Variants in MYBL1 observed in about 807,000 individuals in gnomAD.
MYBL1 encodes the protein myb-related protein A.
Under a neutral mutation model 96.3 loss-of-function variants are expected in MYBL1, and 17 were observed. That is an observed-to-expected ratio of 0.18 (90% CI 0.12 to 0.26). The LOEUF is 0.26. Ranked by LOEUF, MYBL1 falls within the 10% of genes least tolerant of loss-of-function variation. The pLI is 1.00. For missense variants in MYBL1, 701 were observed against 882.9 expected (o/e 0.79, Z 2.61); for synonymous variants, 282 against 292.7 (o/e 0.96, Z 0.37).
At position 66,580,356 on chromosome 8, in the gene MYBL1, C is replaced by A. The variant is rs1042301483; in HGVS notation, c.878G>T (p.Ser293Ile). ...RRKRIPSQPG[S>I]FSSWSGSFLM... ...GAAACTACCAGACCAGCTAGAAAAA[C>A]TTCCAGGCTGCTAAAGGTACAAAAG... is the stretch of plus-strand genomic sequence containing the variant. Residue 293 changes from serine to isoleucine, a missense_variant, in exon 9 of 16, where the codon AGT (serine) becomes ATT (isoleucine). Physicochemically the swap from Ser to Ile is moderately radical, Grantham distance 142. Around this residue, in one of 5 missense-constraint regions of MYBL1, gnomAD observed 396 missense variants for 407.4 expected, o/e 0.97. Coordinates refer to ENST00000522677, the MANE Select transcript of MYBL1 (RefSeq NM_001080416.4). 7 of 1,600,110 alleles carry A rather than the reference C, an allele frequency of 4.4e-6. No homozygotes were observed. Among genetic ancestry groups the A allele is most frequent in the Middle Eastern group, 1.7e-4 (1 of 6,032 alleles).
Position 66,589,172 on chromosome 8 carries a change from T to C in MYBL1, c.867+3268A>G, listed in dbSNP as rs187846148. ...AGTTCTAAAAAGAAAATAACTTTCT[T>C]CCTTTTTAATGCAAAATATTCATTC... is the stretch of plus-strand genomic sequence containing the variant. On this transcript the variant is annotated intron_variant, in intron 8 of 15. Transcript: ENST00000522677. Among the ~76,000 whole-genome samples, 281 of 152,318 alleles carry C rather than the reference T, an allele frequency of 1.8e-3. 1 individual carries two copies. The highest frequency in any genetic ancestry group is 6.3e-3 in the African/African-American group (263 of 41,564).
chr8:66,600,553 T>C (rs1810027922), intron 3 of MYBL1, among the ~76,000 whole-genome samples: 1 of 152,248 alleles, frequency 6.6e-6, no homozygotes, highest in African/African-American at 2.4e-5. Flanking sequence ...CCAAACATCC[T>C]ATATGTTATT....
At chr8:66,600,074 A>C (rs1305676567) in intron 3 of MYBL1, among the ~76,000 whole-genome samples, 1 of 152,224 alleles carries the variant, frequency 6.6e-6, no homozygotes, top group Non-Finnish European at 1.5e-5. Flanking sequence ...GACACTTAAA[A>C]AGAAAATGAA....
intron 4 of MYBL1, among the ~76,000 whole-genome samples, chr8:66,597,908 TAG>T (rs1809917947): frequency 7.0e-6 from 1 of 143,206 alleles, no homozygotes; most frequent in Admixed American, 7.0e-5. Context: ...AAAATACAAT[TAG>T]GAAGCAGAAA....
chr8:66,573,282 C>CTATT (rs1321025394), intron 11 of MYBL1, 82 bp downstream of exon 11: 3 of 1,260,912 alleles, frequency 2.4e-6, no homozygotes, highest in South Asian at 3.8e-5. Flanking sequence ...ATGATACTTG[C>CTATT]TATTTATATG....
intron 1 of MYBL1, chr8:66,612,526 C>G (rs1810572127): frequency 2.6e-6 from 1 of 383,848 alleles, no homozygotes; most frequent in Non-Finnish European, 4.6e-6. Flanking sequence ...GGCAAGAAAC[C>G]TGCCTCGAAG....
rs1808944268 is a variant in MYBL1, at chr8:66,576,302, G to A, written c.1175C>T (p.Pro392Leu). ...DAAASPIKST[P>L]VKLMRIQHNE... ...GTGCTGAATTCTCATTAATTTAACT[G>A]GGGTGGATTTGATAGGAGAAGCAGC... Residue 392 changes from proline (P) to leucine (L), a missense_variant, in exon 10 of 16, where the codon CCA (proline) becomes CTA (leucine). Physicochemically the swap from Pro to Leu is moderately conservative, Grantham distance 98. Around this residue, in one of 5 missense-constraint regions of MYBL1, gnomAD observed 396 missense variants for 407.4 expected, o/e 0.97. Coordinates refer to ENST00000522677, the MANE Select transcript of MYBL1 (RefSeq NM_001080416.4). 6.2e-7 allele frequency: 1 copy of A among 1,613,918 alleles called. No individual in the cohort carries two copies. The highest frequency in any genetic ancestry group is 8.5e-7 in the Non-Finnish European group (1 of 1,179,872).
chr8:66,567,139 G>A (rs1053008335), intron 12 of MYBL1, 147 bp from the exon 13 acceptor site: 8 of 578,314 alleles, frequency 1.4e-5, no homozygotes, highest in Non-Finnish European at 2.4e-5. Context: ...ATTAATTCAT[G>A]TTGTGGCAAA....
chr8:66,587,292 T>A (rs548645406), intron 8 of MYBL1, among the ~76,000 whole-genome samples: 1 of 152,258 alleles, frequency 6.6e-6, no homozygotes, highest in South Asian at 2.1e-4. Context: ...ACACATTGCA[T>A]ACATGTATCA....
chr8:66,569,275 AG>A (rs576964028), intron 12 of MYBL1, among the ~76,000 whole-genome samples: 177 of 151,582 alleles, frequency 1.2e-3, no homozygotes, highest in Non-Finnish European at 2.0e-3. Context: ...GTCCTTGCAA[AG>A]GACATGACCT....
intron 1 of MYBL1, among the ~76,000 whole-genome samples, chr8:66,606,241 AC>A (rs1447032638): frequency 6.6e-6 from 1 of 152,250 alleles, no homozygotes; most frequent in East Asian, 1.9e-4. Flanking sequence ...TGATAATAAT[AC>A]CACCTACCTT....
chr8:66,580,927 C>T (rs1444056734), intron 8 of MYBL1, among the ~76,000 whole-genome samples: 3 of 150,724 alleles, frequency 2.0e-5, no homozygotes, highest in African/African-American at 7.3e-5. Context: ...GCGGTGCTCT[C>T]TCGGCTCACT....
At chr8:66,579,239 A>T (rs184086831) in intron 9 of MYBL1, among the ~76,000 whole-genome samples, 391 of 152,090 alleles carry the variant, frequency 2.6e-3, no homozygotes, top group African/African-American at 8.9e-3. Flanking sequence ...ATAATAATAA[A>T]AAAATTAAAA....
chr8:66,578,103 G>A (rs1328707189), intron 9 of MYBL1, among the ~76,000 whole-genome samples: 1 of 152,074 alleles, frequency 6.6e-6, no homozygotes, highest in Admixed American at 6.5e-5. Context: ...AGACTTAAAC[G>A]TTAGACCTAA....
At chr8:66,602,302 C>T (rs1484068238) in intron 2 of MYBL1, 116 bp downstream of exon 2, 13 of 528,906 alleles carry the variant, frequency 2.5e-5, no homozygotes, top group South Asian at 1.5e-4. Context: ...CCGCCCATCT[C>T]GGCCTCCCAA....
At chr8:66,583,150 T>C (rs1391729647) in intron 8 of MYBL1, among the ~76,000 whole-genome samples, 1 of 152,204 alleles carries the variant, frequency 6.6e-6, no homozygotes, top group East Asian at 1.9e-4. Context: ...AATACCTTTT[T>C]GGACCACAAT....
intron 11 of MYBL1, among the ~76,000 whole-genome samples, chr8:66,572,804 A>G (rs1428825227): frequency 1.3e-5 from 2 of 152,210 alleles, no homozygotes; most frequent in African/African-American, 4.8e-5. Flanking sequence ...GAATTAATAT[A>G]GAAAAAAGTA....
At position 66,612,752 on chromosome 8, in the gene MYBL1, C is replaced by T. The variant is rs376214846; in HGVS notation, c.20+67G>A. On this transcript the variant is annotated intron_variant, in intron 1 of 15. Coordinates refer to ENST00000522677, the MANE Select transcript of MYBL1 (RefSeq NM_001080416.4). ...AGGGCCTTATGGCGGGAGGGGGCAG[C>T]GGGATAGGAAAGAGAATCTGAGCCG... 4 of 1,326,044 alleles carry T rather than the reference C, an allele frequency of 3.0e-6. No homozygotes were observed. The East Asian group carries it at 1.1e-4, about 37-fold the overall frequency. The allele number at this position is 1,326,044 out of a possible 1,614,324, so 82.1% of individuals were successfully genotyped here. A position where few individuals can be genotyped will look rare whatever the true frequency, so the allele number is the denominator to read the frequency against.
rs77920881 is a variant in MYBL1 at position 66,598,384 on chromosome 8, C to T, written c.291+666G>A. Reference sequence around the variant, plus strand: ...TTCAAGACCAGCCTGGGCAACATAGCGAGATTCCATCTCTACTTATTTAAA... The same window carrying T: ...TTCAAGACCAGCCTGGGCAACATAGTGAGATTCCATCTCTACTTATTTAAA... On this transcript the variant is annotated intron_variant, in intron 4 of 15. Coordinates refer to ENST00000522677, the MANE Select transcript of MYBL1 (RefSeq NM_001080416.4). Among the ~76,000 whole-genome samples the T allele has an allele frequency of 2.5e-3, 383 of 152,170 alleles. 10 individuals are homozygous for T. In the East Asian group the frequency reaches 0.033, roughly 13 times the overall value.
Sources: allele counts gnomAD v4.1 joint callset (sites outside exome capture counted in the v4.1 genomes callset), GRCh38; gene constraint gnomAD v4.1.1; regional missense constraint gnomAD v4.1.1; transcripts MANE v1.5; gene names NCBI Gene and HGNC (gene_info 2026-07-23, HGNC 2026-07-21).